Variants in TLCD4 observed in about 807,000 individuals in gnomAD.
TLCD4 encodes the protein TLC domain containing 4, also known as TLC domain-containing protein 4.
In TLCD4, 7 loss-of-function variants were observed where a neutral mutation model predicts 24.2. The observed-to-expected ratio is 0.29, with a 90% CI of 0.16 to 0.54. TLCD4 has a LOEUF of 0.54. Ranked by LOEUF, TLCD4 falls within the 20% of genes least tolerant of loss-of-function variation. TLCD4 has a pLI of 0.95. For missense variants in TLCD4, 259 were observed against 313.9 expected, an observed-to-expected ratio of 0.82 and a Z score of 1.32; for synonymous variants, 103 against 106.4, an observed-to-expected ratio of 0.97 and a Z score of 0.20.
At chr1:95,132,644 G>A (rs1412182314) in intron 1 of TLCD4, among the ~76,000 whole-genome samples, 1 of 152,058 alleles carries the variant, frequency 6.6e-6, no homozygotes, top group African/African-American at 2.4e-5. Context: ...GTAGCAGTAG[G>A]CTATATACAT....
chr1:95,152,664 C>T (rs1332800722), intron 5 of TLCD4, among the ~76,000 whole-genome samples: 1 of 152,006 alleles, frequency 6.6e-6, no homozygotes, highest in South Asian at 2.1e-4. Flanking sequence ...TATTTACTGA[C>T]GTTTTGAAAT....
chr1:95,178,175 G>A (rs1458791985), intron 6 of TLCD4, among the ~76,000 whole-genome samples: 1 of 152,146 alleles, frequency 6.6e-6, no homozygotes, highest in Admixed American at 6.5e-5. Context: ...TTGAACTCCT[G>A]AGCTCAGGCA....
chr1:95,109,106 T>C, the TLCD4 span, among the ~76,000 whole-genome samples: 49 of 152,114 alleles, frequency 3.2e-4, no homozygotes, highest in Non-Finnish European at 5.9e-4. Flanking sequence ...GGTGGGCAGA[T>C]AGCTTGAGCT....
Position 95,194,623 on chromosome 1 carries a change from GAA to G in TLCD4, c.*2760_*2761del, listed in dbSNP as rs1679136508. 6.6e-6 allele frequency: 1 copy of G among 151,864 alleles called. No homozygotes were observed. Among genetic ancestry groups the G allele is most frequent in the Non-Finnish European group, 1.5e-5 (1 of 67,918 alleles). The allele number at this position is 151,864 out of a possible 1,614,324, so 9.4% of individuals were successfully genotyped here. ...ATTTTTGAGCAATTCTATTTTTGTAGAAAAAAGATAACCTGTAATTATAAAGA... is the reference window on the plus strand; with the variant it reads ...ATTTTTGAGCAATTCTATTTTTGTAGAAAAGATAACCTGTAATTATAAAGA... On this transcript the variant is annotated 3_prime_UTR_variant, in exon 7 of 7. Coordinates refer to ENST00000370203, the MANE Select transcript of TLCD4 (RefSeq NM_152487.3).
intron 1 of TLCD4, among the ~76,000 whole-genome samples, chr1:95,132,388 T>G (rs1287863155): frequency 7.4e-6 from 1 of 134,366 alleles, no homozygotes; most frequent in African/African-American, 2.8e-5. Flanking sequence ...ACCCAGGTGG[T>G]GGAGGTTGCA....
chr1:95,146,385 A>G (rs182506883), intron 2 of TLCD4, among the ~76,000 whole-genome samples: 26 of 152,254 alleles, frequency 1.7e-4, no homozygotes, highest in Admixed American at 1.2e-3. Flanking sequence ...ACTAATTTTT[A>G]AATGTTTCTC....
At chr1:95,132,893 C>G (rs1336567457) in intron 1 of TLCD4, among the ~76,000 whole-genome samples, 1 of 152,002 alleles carries the variant, frequency 6.6e-6, no homozygotes, top group East Asian at 1.9e-4. Context: ...GTGGAGAGGT[C>G]AGGTAACATG....
chr1:95,114,667 T>C (rs1167769129), upstream of TLCD4, among the ~76,000 whole-genome samples: 1 of 151,998 alleles, frequency 6.6e-6, no homozygotes, highest in African/African-American at 2.4e-5. Flanking sequence ...CCGTCTCTAT[T>C]AGAAATACAA....
intron 1 of TLCD4, among the ~76,000 whole-genome samples, chr1:95,124,980 A>G (rs979330152): frequency 6.6e-6 from 1 of 152,234 alleles, no homozygotes; most frequent in Non-Finnish European, 1.5e-5. Flanking sequence ...AGCATCTTCA[A>G]GATTAAACTT....
At chr1:95,114,439 T>C (rs1472449318), upstream of TLCD4, among the ~76,000 whole-genome samples, 1 of 152,086 alleles carries the variant, frequency 6.6e-6, no homozygotes, top group Non-Finnish European at 1.5e-5. Flanking sequence ...TTATAATTTT[T>C]AGAAAAAAAA....
rs181364338 is a variant in TLCD4 at position 95,194,984 on chromosome 1, C to T, written c.*3116C>T. The stretch of plus-strand genomic sequence containing the variant: ...TTTATTATTTCATGGACTAGCCTTA[C>T]GTTAAGTGAAATACTATTTATGTTG... On this transcript the variant is annotated 3_prime_UTR_variant, in exon 7 of 7. Transcript: ENST00000370203. 10 of 152,220 alleles carry T rather than the reference C, an allele frequency of 6.6e-5. No individual in the cohort carries two copies. The East Asian group carries it at 1.4e-3, about 21-fold the overall frequency. 9.4% of individuals were successfully genotyped at this position (152,220 alleles called of 1,614,324 possible).
At chr1:95,174,034 A>G in intron 6 of TLCD4, 145 bp downstream of exon 6, 3 of 1,261,170 alleles carry the variant, frequency 2.4e-6, no homozygotes, top group Non-Finnish European at 3.2e-6. Context: ...CAAATGAGGA[A>G]AGTGAGTTTT....
the TLCD4 span, among the ~76,000 whole-genome samples, chr1:95,096,654 A>G: frequency 6.6e-6 from 1 of 152,202 alleles, no homozygotes; most frequent in African/African-American, 2.4e-5. Context: ...TTCATGAAGT[A>G]TCCTGCCAAT....
At chr1:95,133,441 T>C (rs1231081168) in intron 1 of TLCD4, among the ~76,000 whole-genome samples, 2 of 150,330 alleles carry the variant, frequency 1.3e-5, no homozygotes, top group Non-Finnish European at 3.0e-5. Flanking sequence ...TAAAGGATAA[T>C]GTGGAGCAAA....
intron 2 of TLCD4, among the ~76,000 whole-genome samples, chr1:95,147,974 C>T (rs528523875): frequency 8.5e-5 from 13 of 152,118 alleles, no homozygotes; most frequent in Non-Finnish European, 1.8e-4. Flanking sequence ...TCCTTCTATA[C>T]AAGAAAACTT....
Position 95,142,975 on chromosome 1 carries a change from C to CG in TLCD4, c.-11-914dup, listed in dbSNP as rs1453919572. 4.0e-3 allele frequency among the ~76,000 whole-genome samples: 13 copies of CG among 3,210 alleles called. No homozygotes were observed. In the Admixed American group the frequency reaches 0.041, roughly 10 times the overall value. The allele number at this position is 3,210 out of a possible 152,430, so 2.1% of individuals were successfully genotyped here. On this transcript the variant is annotated intron_variant, in intron 1 of 6. Coordinates refer to ENST00000370203, the MANE Select transcript of TLCD4 (RefSeq NM_152487.3). ...TCTGGAGGCGGGGTTGGGGGCGTGG[C>CG]GGAGGGGAGGGGAAGTTACACTTCT...
chr1:95,168,347 T>G (rs745416403), intron 5 of TLCD4, among the ~76,000 whole-genome samples: 1 of 152,012 alleles, frequency 6.6e-6, no homozygotes, highest in Non-Finnish European at 1.5e-5. Flanking sequence ...GTTACAATGG[T>G]CCCACATTCC....
At chr1:95,099,133 A>C in the TLCD4 span, among the ~76,000 whole-genome samples, 2 of 149,622 alleles carry the variant, frequency 1.3e-5, no homozygotes, top group Non-Finnish European at 3.0e-5. Flanking sequence ...GTATTATCTT[A>C]TCATCACTAT....
chr1:95,161,139 TTTTTTGA>T (rs1484106258), intron 5 of TLCD4, among the ~76,000 whole-genome samples: 1 of 152,168 alleles, frequency 6.6e-6, no homozygotes, highest in Non-Finnish European at 1.5e-5. Flanking sequence ...CTCCTGGACT[TTTTTTGA>T]TTGGTAGGCT....
Sources: allele counts gnomAD v4.1 joint callset (sites outside exome capture counted in the v4.1 genomes callset), GRCh38; gene constraint gnomAD v4.1.1; transcripts MANE v1.5; gene names NCBI Gene and HGNC (gene_info 2026-07-23, HGNC 2026-07-21).